Variants in MPPE1 observed in about 807,000 individuals in gnomAD.
The protein encoded by MPPE1 is metallophosphoesterase 1, also known as metallo phosphoesterase.
In MPPE1, 28 loss-of-function variants were observed where a neutral mutation model predicts 43.8. The observed-to-expected ratio is 0.64, with a 90% CI of 0.47 to 0.88. The LOEUF (loss-of-function observed/expected upper bound fraction) is 0.88. Ranked by LOEUF, MPPE1 falls within the 40% of genes least tolerant of loss-of-function variation. The probability of loss-of-function intolerance (pLI) is 0.00; values close to 1 mark genes in which losing one functional copy is unlikely to be tolerated. For missense variants in MPPE1, 428 were observed against 492.2 expected, an observed-to-expected ratio of 0.87 and a Z score of 1.23; for synonymous variants, 159 against 188.5, an observed-to-expected ratio of 0.84 and a Z score of 1.28.
In MPPE1 at chr18:11,889,445, G is replaced by C; in HGVS notation, c.436C>G (p.Pro146Ala). The C allele has an allele frequency of 1.9e-6, 3 of 1,613,268 alleles. No individual in the cohort carries two copies. The highest frequency in any genetic ancestry group is 2.5e-6 in the Non-Finnish European group (3 of 1,179,670). Reference sequence around the variant, plus strand: ...ACTACCTTCAGCTGTACATGACTTGGGTGTCTGAACATTTTCTGAAACCGC... The same window carrying C: ...ACTACCTTCAGCTGTACATGACTTGCGTGTCTGAACATTTTCTGAAACCGC... ...VERFQKMFRHPSHVQLKVVAG... is the reference protein window; with the variant it reads ...VERFQKMFRHASHVQLKVVAG... The change falls in exon 5 of 11, where the codon CCA (proline) becomes GCA (alanine). Residue 146 changes from proline (P) to alanine (A), a missense_variant. Around this residue, in one of 3 missense-constraint regions of MPPE1, gnomAD observed 379 missense variants for 402.5 expected, o/e 0.94. Transcript: ENST00000588072.
chr18:11,886,250 G>A lies in MPPE1; in HGVS notation c.867+249C>T, dbSNP rs1400842345. The A allele has an allele frequency of 1.9e-6, 1 of 513,730 alleles. No individual in the cohort carries two copies. Among genetic ancestry groups the A allele is most frequent in the South Asian group, 2.3e-5 (1 of 43,476 alleles). 31.8% of individuals were successfully genotyped at this position (513,730 alleles called of 1,614,324 possible). ...GTTGGTGAAAAACTCTGAATACAAA[G>A]AATAGCTGAGACTATTACTGACTTG... On this transcript the variant is annotated intron_variant, in intron 9 of 10. Coordinates refer to ENST00000588072, the MANE Select transcript of MPPE1 (RefSeq NM_023075.6). This position sits in a 1 kb window ranked among gnomAD's most constrained non-coding sequence, Gnocchi z 4.1.
Position 11,885,787 on chromosome 18 carries a change from A to T in MPPE1, c.897T>A (p.Val299=), listed in dbSNP as rs1433240622. ...AGGCGCTGTGCGTGTGGCCACTGAG[A>T]ACCAGGCGCGGCTGGAGCCACCACA... is the stretch of plus-strand genomic sequence containing the variant. The part of the protein sequence containing the change: ...KLLWWLQPRL[V]LSGHTHSACE... Residue 299 remains valine, a synonymous_variant, in exon 10 of 11, where the codon GTT becomes GTA. Coordinates refer to ENST00000588072, the MANE Select transcript of MPPE1 (RefSeq NM_023075.6). 1.9e-6 allele frequency: 3 copies of T among 1,612,236 alleles called. No homozygotes were observed.
At chr18:11,889,616 G>A in intron 4 of MPPE1, 126 bp from the exon 5 acceptor site, 1 of 599,436 alleles carries the variant, frequency 1.7e-6, no homozygotes, top group Non-Finnish European at 2.9e-6. Context: ...AGGCTGAAGT[G>A]CAGTGGTGCG....
At chr18:11,888,568 CAG>C in intron 6 of MPPE1, 99 bp downstream of exon 6, 7 of 707,866 alleles carry the variant, frequency 9.9e-6, no homozygotes, top group Non-Finnish European at 1.7e-5. Flanking sequence ...CCAGGCTAAA[CAG>C]AACGCAGGTA....
chr18:11,892,355 GAAAAAAAA>G (rs548540889), intron 4 of MPPE1, among the ~76,000 whole-genome samples: 1 of 93,418 alleles, frequency 1.1e-5, no homozygotes, highest in Admixed American at 1.2e-4. Context: ...GCACCAAAAA[GAAAAAAAA>G]AAAAAAAAGA....
intron 2 of MPPE1, among the ~76,000 whole-genome samples, chr18:11,900,737 C>G (rs1004047720): frequency 1.3e-5 from 2 of 151,638 alleles, no homozygotes; most frequent in Non-Finnish European, 2.9e-5. Context: ...GAAACCCCAT[C>G]TCTACTAAAA....
At chr18:11,901,434 T>G (rs762680035) in intron 2 of MPPE1, among the ~76,000 whole-genome samples, 1 of 151,618 alleles carries the variant, frequency 6.6e-6, no homozygotes, top group Non-Finnish European at 1.5e-5. Flanking sequence ...TTTCACCACA[T>G]TGGCCAGACT....
At chr18:11,894,279 C>A (rs1345868759) in intron 3 of MPPE1, among the ~76,000 whole-genome samples, 1 of 151,826 alleles carries the variant, frequency 6.6e-6, no homozygotes, top group Admixed American at 6.6e-5. Flanking sequence ...ATACAAAAAA[C>A]CAGCCATGCA....
chr18:11,905,596 C>T (rs1325722228), intron 2 of MPPE1: 2 of 152,158 alleles, frequency 1.3e-5, no homozygotes, highest in Non-Finnish European at 2.9e-5. Context: ...TATAAATTGA[C>T]TTGTTTCACT....
At chr18:11,896,891 G>C (rs2038667660) in intron 3 of MPPE1, 93 bp downstream of exon 3, 9 of 1,141,512 alleles carry the variant, frequency 7.9e-6, no homozygotes, top group Non-Finnish European at 1.1e-5. Flanking sequence ...AAATAACTAA[G>C]AGTAACCTAA....
chr18:11,885,085 T>C (rs669222), intron 10 of MPPE1: 45,626 of 1,258,900 alleles, frequency 0.036, 2,957 homozygotes, highest in African/African-American at 0.22. Context: ...GGGCTTTTCT[T>C]TGCAGATACT....
At chr18:11,891,409 GGTT>G (rs2037984785) in intron 4 of MPPE1, 1 of 152,162 alleles carries the variant, frequency 6.6e-6, no homozygotes, top group Admixed American at 6.5e-5. Context: ...GGGAGGCAGA[GGTT>G]GTAGTAAGCT....
chr18:11,888,827 T>A, intron 5 of MPPE1, 84 bp from the exon 6 acceptor site: 1 of 704,632 alleles, frequency 1.4e-6, no homozygotes, highest in East Asian at 3.1e-5. Context: ...AAAATAACTT[T>A]CAACACTTGA....
chr18:11,884,923 GT>G, intron 10 of MPPE1: 1 of 1,290,846 alleles, frequency 7.7e-7, no homozygotes, highest in Non-Finnish European at 1.0e-6. Context: ...ATCAAATATA[GT>G]GGGGGATCCA....
chr18:11,885,109 A>C, intron 10 of MPPE1: 1 of 1,153,258 alleles, frequency 8.7e-7, no homozygotes, highest in Non-Finnish European at 1.1e-6. Flanking sequence ...ATGTGGAACA[A>C]CAGTGGCAAA....
Position 11,884,117 on chromosome 18 carries a change from C to A in MPPE1, c.*328G>T. The A allele has an allele frequency of 4.1e-6, 1 of 244,244 alleles. No individual in the cohort carries two copies. 15.1% of individuals were successfully genotyped at this position (244,244 alleles called of 1,614,324 possible). On this transcript the variant is annotated 3_prime_UTR_variant, in exon 11 of 11. Coordinates refer to ENST00000588072, the MANE Select transcript of MPPE1 (RefSeq NM_023075.6). The stretch of plus-strand genomic sequence containing the variant: ...AATCCCAAGTGTGTGCTGGGGCCAC[C>A]AGGCCCTTCCTGGGGGAACAAGGAC...
chr18:11,896,095 C>CTT (rs1178920790), intron 3 of MPPE1, among the ~76,000 whole-genome samples: 2,270 of 80,428 alleles, frequency 0.028, 36 homozygotes, highest in Non-Finnish European at 0.041. Context: ...ATTCTTTATT[C>CTT]TTTTTTTTTT....
chr18:11,890,454 C>T (rs1032263945), intron 4 of MPPE1, among the ~76,000 whole-genome samples: 9 of 151,992 alleles, frequency 5.9e-5, no homozygotes, highest in Non-Finnish European at 1.0e-4. Context: ...GGATTACAGG[C>T]GTGTACCACC....
intron 1 of MPPE1, among the ~76,000 whole-genome samples, chr18:11,907,271 T>A (rs1314217193): frequency 6.6e-6 from 1 of 152,032 alleles, no homozygotes; most frequent in Non-Finnish European, 1.5e-5. Context: ...AATCAGAAAA[T>A]TTTCAATCTA....
Sources: gnomAD v4.1 joint callset for allele counts (sites outside exome capture counted in the v4.1 genomes callset) on GRCh38, gnomAD v4.1.1 for gene constraint, gnomAD v4.1.1 regional missense constraint, Gnocchi (gnomAD v3.1) non-coding constraint, MANE v1.5 for transcripts, NCBI Gene and HGNC (gene_info 2026-07-23, HGNC 2026-07-21) for gene names.